Variants in DCDC1 observed in about 807,000 individuals in gnomAD.
The protein encoded by DCDC1 is doublecortin domain containing 1, also known as doublecortin domain-containing protein 1.
A neutral mutation model predicts 178.3 loss-of-function variants in DCDC1; 200 were observed. That is an observed-to-expected ratio of 1.12 (90% confidence interval 1.00 to 1.26). The LOEUF is 1.26. DCDC1 is among the 50% of genes most tolerant of loss of function. The pLI is 0.00. For synonymous variants in DCDC1, 690 were observed against 604.8 expected (o/e 1.14, Z -2.07); for missense variants, 1,983 against 1,749.2 (o/e 1.13, Z -2.38).
chr11:30,913,711 C>T (rs1945622115), intron 27 of DCDC1, among the ~76,000 whole-genome samples: 2 of 152,160 alleles, frequency 1.3e-5, no homozygotes, highest in South Asian at 4.1e-4. Context: ...GTTAGATTTT[C>T]CAAGGCAGTG....
chr11:31,178,422 C>T (rs758909871), intron 9 of DCDC1, among the ~76,000 whole-genome samples: 2 of 152,156 alleles, frequency 1.3e-5, no homozygotes, highest in Admixed American at 6.5e-5. Context: ...CCTGAAACTA[C>T]TAGAAGAAAA....
intron 9 of DCDC1, among the ~76,000 whole-genome samples, chr11:31,170,762 A>G (rs552875540): frequency 3.2e-4 from 49 of 152,330 alleles, no homozygotes; most frequent in African/African-American, 1.2e-3. Flanking sequence ...ACAAGAGGCT[A>G]TTGGGATCAA....
intron 22 of DCDC1, 74 bp from the exon 23 acceptor site, chr11:30,925,482 T>A (rs1487329177): frequency 7.5e-7 from 1 of 1,325,692 alleles, no homozygotes; most frequent in East Asian, 2.3e-5. Flanking sequence ...ATAAAAGAAA[T>A]CTGGGGCCTG....
chr11:31,356,053 T>A (rs1032442188), intron 1 of DCDC1, among the ~76,000 whole-genome samples: 1 of 152,112 alleles, frequency 6.6e-6, no homozygotes, highest in African/African-American at 2.4e-5. Context: ...TGAGTCACAC[T>A]CTTTTCTTCC....
intron 20 of DCDC1, among the ~76,000 whole-genome samples, chr11:30,956,789 T>C (rs1948798105): frequency 1.3e-5 from 2 of 152,146 alleles, no homozygotes; most frequent in South Asian, 2.1e-4. Flanking sequence ...TCGGGTAGTG[T>C]TGACAACTAC....
chr11:31,227,402 G>A (rs1975130758), intron 9 of DCDC1, among the ~76,000 whole-genome samples: 1 of 152,016 alleles, frequency 6.6e-6, no homozygotes, highest in Non-Finnish European at 1.5e-5. Flanking sequence ...AACTGAGCAA[G>A]GGGATGGTGC....
rs1186773374 is a variant in DCDC1 at position 30,943,710 on chromosome 11, GT to G, written c.2715+8734del. On this transcript the variant is annotated intron_variant, in intron 21 of 38. Coordinates refer to ENST00000684477, the MANE Select transcript of DCDC1 (RefSeq NM_001387274.1). ...AAAGAAACCAAAAGAATTTATTAATGTTGGTTTTCAATAAGGCTTTACCATA... is the reference window on the plus strand; with the variant it reads ...AAAGAAACCAAAAGAATTTATTAATGTGGTTTTCAATAAGGCTTTACCATA... 10 of 444,104 alleles carry G rather than the reference GT, an allele frequency of 2.3e-5. No homozygotes were observed. The Admixed American group carries it at 2.3e-4, about 10-fold the overall frequency. The allele number at this position is 444,104 out of a possible 1,614,324, so 27.5% of individuals were successfully genotyped here. A position where few individuals can be genotyped will look rare whatever the true frequency, so the allele number is the denominator to read the frequency against.
intron 3 of DCDC1, among the ~76,000 whole-genome samples, chr11:31,314,125 CT>C (rs1565597601): frequency 6.6e-6 from 1 of 152,202 alleles, no homozygotes; most frequent in Non-Finnish European, 1.5e-5. Flanking sequence ...GCCAGAATTA[CT>C]ATATCTCATT....
intron 1 of DCDC1, among the ~76,000 whole-genome samples, chr11:31,357,020 T>G (rs1472183076): frequency 6.6e-6 from 1 of 150,880 alleles, no homozygotes; most frequent in Non-Finnish European, 1.5e-5. Context: ...AAGGAGGAAC[T>G]GGTACCATTC....
At chr11:31,278,096 T>C (rs1946126295) in intron 7 of DCDC1, among the ~76,000 whole-genome samples, 1 of 152,112 alleles carries the variant, frequency 6.6e-6, no homozygotes, top group South Asian at 2.1e-4. Flanking sequence ...TAAGTTCTTA[T>C]CACACAGAAA....
At chr11:30,963,655 G>A (rs372822150) in intron 20 of DCDC1, among the ~76,000 whole-genome samples, 3 of 152,072 alleles carry the variant, frequency 2.0e-5, no homozygotes, top group African/African-American at 7.2e-5. Context: ...CCATAGGTGG[G>A]AGCCACATGA....
intron 20 of DCDC1, among the ~76,000 whole-genome samples, chr11:31,025,189 G>T (rs1364966393): frequency 2.0e-5 from 3 of 151,676 alleles, no homozygotes; most frequent in Admixed American, 6.6e-5. Context: ...CCATTATAAG[G>T]TTACTTGTAA....
chr11:30,866,897 T>C (rs1458165690), intron 38 of DCDC1, among the ~76,000 whole-genome samples: 1 of 152,124 alleles, frequency 6.6e-6, no homozygotes, highest in Non-Finnish European at 1.5e-5. Context: ...TTAATGCTGC[T>C]ATAAAAAGGG....
chr11:31,159,766 T>TCCC (rs1210656917), intron 9 of DCDC1, among the ~76,000 whole-genome samples: 1 of 152,082 alleles, frequency 6.6e-6, no homozygotes, highest in Non-Finnish European at 1.5e-5. Flanking sequence ...ATTAATGATA[T>TCCC]CCCCTTCCAC....
intron 20 of DCDC1, among the ~76,000 whole-genome samples, chr11:31,034,502 T>C (rs954423983): frequency 6.6e-6 from 1 of 152,216 alleles, no homozygotes; most frequent in South Asian, 2.1e-4. Context: ...GTGTCTCATT[T>C]TTCTTATCTT....
intron 38 of DCDC1, among the ~76,000 whole-genome samples, chr11:30,874,100 T>C (rs890709316): frequency 6.6e-6 from 1 of 152,200 alleles, no homozygotes; most frequent in African/African-American, 2.4e-5. Flanking sequence ...ATTGTCTTCA[T>C]AGCCCCTGAA....
At chr11:30,889,066 G>A (rs1204615723) in intron 36 of DCDC1, among the ~76,000 whole-genome samples, 2 of 152,170 alleles carry the variant, frequency 1.3e-5, no homozygotes, top group Non-Finnish European at 2.9e-5. Context: ...CCATTCCTAG[G>A]CCAAGGAAGA....
intron 8 of DCDC1, among the ~76,000 whole-genome samples, chr11:31,244,949 G>T (rs1977647836): frequency 1.3e-5 from 2 of 151,652 alleles, no homozygotes; most frequent in South Asian, 4.2e-4. Context: ...AGCTGGTAGT[G>T]AGCATCATAG....
intron 9 of DCDC1, among the ~76,000 whole-genome samples, chr11:31,197,831 T>C (rs2136404977): frequency 1.3e-5 from 2 of 152,178 alleles, no homozygotes; most frequent in Middle Eastern, 3.4e-3. Context: ...GATGATGCAA[T>C]GGAAAGAGTA....
Sources: allele counts gnomAD v4.1 joint callset (sites outside exome capture counted in the v4.1 genomes callset), GRCh38; gene constraint gnomAD v4.1.1; transcripts MANE v1.5; gene names NCBI Gene and HGNC (gene_info 2026-07-23, HGNC 2026-07-21).